The following ZNRF1 variants were observed in gnomAD, a reference collection of about 807,000 sequenced individuals.
ZNRF1 encodes the protein zinc and ring finger 1, also known as E3 ubiquitin-protein ligase ZNRF1.
A neutral mutation model predicts 18.4 loss-of-function variants in ZNRF1; 3 were observed. The ratio of observed to expected loss-of-function variants is 0.16; its 90% CI spans 0.07 to 0.42. The LOEUF is 0.42. Among genes scored for constraint, ZNRF1 ranks in the 10% least tolerant of loss-of-function variants. The pLI is 0.99. For missense variants in ZNRF1, 310 were observed against 329.8 expected, an observed-to-expected ratio of 0.94 and a Z score of 0.47; for synonymous variants, 157 against 144.2, an observed-to-expected ratio of 1.09 and a Z score of -0.64.
In ZNRF1 at chr16:74,999,623, G is replaced by A; in HGVS notation, c.-49G>A. The A allele has an allele frequency of 7.8e-7, 1 of 1,280,628 alleles. No individual in the cohort carries two copies. The highest frequency in any genetic ancestry group is 9.9e-7 in the Non-Finnish European group (1 of 1,005,880). 79.3% of individuals were successfully genotyped at this position (1,280,628 alleles called of 1,614,324 possible). A position where few individuals can be genotyped will look rare whatever the true frequency, so the allele number is the denominator to read the frequency against. ...CCCTCCCCCTGCTGCTGAGAAGTGG[G>A]GGAGGGTCTCGGCCTCCAGGTTCCC... On this transcript the variant is annotated 5_prime_UTR_variant, in exon 1 of 5. Transcript: ENST00000335325.
chr16:75,056,036 G>A (rs2035663494), intron 1 of ZNRF1, among the ~76,000 whole-genome samples: 1 of 152,164 alleles, frequency 6.6e-6, no homozygotes, highest in Non-Finnish European at 1.5e-5. Flanking sequence ...ATGTAATGGG[G>A]CATATTTGCC....
chr16:75,106,421 C>G, intron 3 of ZNRF1, 61 bp from the exon 4 acceptor site: 2 of 1,586,070 alleles, frequency 1.3e-6, no homozygotes, highest in South Asian at 2.2e-5. Flanking sequence ...TCTGAAAGAG[C>G]CCCTTCAAAG....
At chr16:75,090,378 C>G (rs199811291) in intron 1 of ZNRF1, among the ~76,000 whole-genome samples, 1 of 144,128 alleles carries the variant, frequency 6.9e-6, no homozygotes, top group Admixed American at 7.0e-5. Flanking sequence ...TGTTGTTGTT[C>G]TGGTTGTTGT....
chr16:75,089,620 A>G (rs1047365592), intron 1 of ZNRF1, among the ~76,000 whole-genome samples: 1 of 152,228 alleles, frequency 6.6e-6, no homozygotes, highest in Non-Finnish European at 1.5e-5. Flanking sequence ...GATTTGAAGC[A>G]GAGAACCCTG....
intron 1 of ZNRF1, among the ~76,000 whole-genome samples, chr16:75,070,421 A>G (rs769646318): frequency 1.3e-5 from 2 of 152,170 alleles, no homozygotes; most frequent in African/African-American, 2.4e-5. Flanking sequence ...ACAGTTCTGC[A>G]GTGTTTCTGG....
At chr16:75,094,140 G>A (rs986121805) in intron 2 of ZNRF1, among the ~76,000 whole-genome samples, 2 of 152,192 alleles carry the variant, frequency 1.3e-5, no homozygotes, top group Non-Finnish European at 2.9e-5. Context: ...TCCTTGTCAC[G>A]TTCGAACTCG....
At chr16:75,027,525 C>T (rs1243093001) in intron 1 of ZNRF1, among the ~76,000 whole-genome samples, 1 of 152,170 alleles carries the variant, frequency 6.6e-6, no homozygotes, top group Non-Finnish European at 1.5e-5. Context: ...CCATCTTTGA[C>T]TCCAGCAGGA....
chr16:75,057,213 A>G (rs1351061045), intron 1 of ZNRF1, among the ~76,000 whole-genome samples: 1 of 152,122 alleles, frequency 6.6e-6, no homozygotes, highest in Admixed American at 6.5e-5. Flanking sequence ...CTTTGACTCC[A>G]TTGTAGTTCA....
At chr16:75,066,631 T>G (rs1189253748) in intron 1 of ZNRF1, among the ~76,000 whole-genome samples, 1 of 152,060 alleles carries the variant, frequency 6.6e-6, no homozygotes, top group African/African-American at 2.4e-5. Context: ...GCCTCCTGAG[T>G]AGTTGGGATT....
chr16:75,042,739 A>G (rs116507462), intron 1 of ZNRF1, among the ~76,000 whole-genome samples: 189 of 152,206 alleles, frequency 1.2e-3, no homozygotes, highest in African/African-American at 4.4e-3. Context: ...ATTTCCATGT[A>G]CGTTTTAGGA....
At position 75,108,744 on chromosome 16, in the gene ZNRF1, T is replaced by C. The variant is rs567578821; in HGVS notation, c.*1044T>C. 9.0e-5 allele frequency: 35 copies of C among 389,184 alleles called. No individual in the cohort carries two copies. The South Asian group carries it at 3.4e-3, about 38-fold the overall frequency. 24.1% of individuals were successfully genotyped at this position (389,184 alleles called of 1,614,324 possible). A position where few individuals can be genotyped will look rare whatever the true frequency, so the allele number is the denominator to read the frequency against. On this transcript the variant is annotated 3_prime_UTR_variant, in exon 5 of 5. Coordinates refer to ENST00000335325, the MANE Select transcript of ZNRF1 (RefSeq NM_032268.5). ...GTGATTTTATTTTAATGAAGTGTTA[T>C]ACAATCAAGAAATGGGGGCAAGGGC...
In ZNRF1 at chr16:75,108,061, G is replaced by A. The variant is rs1452169896; in HGVS notation, c.*361G>A. 4 of 296,050 alleles carry A rather than the reference G, an allele frequency of 1.4e-5. No individual in the cohort carries two copies. The highest frequency in any genetic ancestry group is 2.6e-5 in the Non-Finnish European group (4 of 151,194). 18.3% of individuals were successfully genotyped at this position (296,050 alleles called of 1,614,324 possible). A position where few individuals can be genotyped will look rare whatever the true frequency, so the allele number is the denominator to read the frequency against. ...GTCGACTGGTGTTTTCCCTCGTGATGTTTACAGCTTGCTGTTTGCTGCCCA... is the reference window on the plus strand; with the variant it reads ...GTCGACTGGTGTTTTCCCTCGTGATATTTACAGCTTGCTGTTTGCTGCCCA... On this transcript the variant is annotated 3_prime_UTR_variant, in exon 5 of 5. Transcript: ENST00000335325.
At chr16:75,042,034 T>C (rs115019883) in intron 1 of ZNRF1, among the ~76,000 whole-genome samples, 448 of 152,260 alleles carry the variant, frequency 2.9e-3, no homozygotes, top group African/African-American at 0.01. Flanking sequence ...AGAGCAGTTT[T>C]AGGTTCACAG....
intron 1 of ZNRF1, among the ~76,000 whole-genome samples, chr16:75,038,709 G>A (rs990825781): frequency 6.6e-6 from 1 of 152,186 alleles, no homozygotes; most frequent in African/African-American, 2.4e-5. Context: ...TGCTCTCCAG[G>A]AAGTCCTGTG....
At chr16:75,020,313 A>G (rs2035127405) in intron 1 of ZNRF1, among the ~76,000 whole-genome samples, 1 of 151,920 alleles carries the variant, frequency 6.6e-6, no homozygotes, top group South Asian at 2.1e-4. Context: ...TCTCCTGTGA[A>G]TGACATATAG....
intron 1 of ZNRF1, among the ~76,000 whole-genome samples, chr16:75,054,103 C>T (rs1427366725): frequency 1.3e-5 from 2 of 152,202 alleles, no homozygotes; most frequent in Non-Finnish European, 2.9e-5. Context: ...AGCAAGGACC[C>T]TTAGTTTCCT....
intron 1 of ZNRF1, among the ~76,000 whole-genome samples, chr16:75,022,461 G>T (rs1478292214): frequency 6.6e-6 from 1 of 151,466 alleles, no homozygotes; most frequent in Non-Finnish European, 1.5e-5. Context: ...AGCTACTCAG[G>T]AGGCTGAGGC....
chr16:74,999,589 C>A lies in ZNRF1; in HGVS notation c.-83C>A. On this transcript the variant is annotated 5_prime_UTR_variant, in exon 1 of 5. Transcript: ENST00000335325. ...CTTTTTGACTCCCTCCCCCTTTATG[C>A]TCGCCCAGCCCTCCCCCTGCTGCTG... 1.9e-6 allele frequency: 2 copies of A among 1,067,030 alleles called. No homozygotes were observed. The highest frequency in any genetic ancestry group is 2.4e-6 in the Non-Finnish European group (2 of 823,120). The allele number at this position is 1,067,030 out of a possible 1,614,324, so 66.1% of individuals were successfully genotyped here.
chr16:75,093,034 G>A (rs1469216366), intron 1 of ZNRF1, among the ~76,000 whole-genome samples: 1 of 152,196 alleles, frequency 6.6e-6, no homozygotes, highest in Non-Finnish European at 1.5e-5. Flanking sequence ...CCTTAACGAG[G>A]CACATAAGGC....
Sources: gnomAD v4.1 joint callset for allele counts (sites outside exome capture counted in the v4.1 genomes callset) on GRCh38, gnomAD v4.1.1 for gene constraint, MANE v1.5 for transcripts, NCBI Gene and HGNC (gene_info 2026-07-23, HGNC 2026-07-21) for gene names.